APBA1: variants seen among roughly 807,000 people sequenced by gnomAD.
APBA1 encodes amyloid beta precursor protein binding family A member 1.
Under a neutral mutation model 86.6 loss-of-function variants are expected in APBA1, and 55 were observed. That is an observed-to-expected ratio of 0.64 (90% CI 0.51 to 0.80). The LOEUF (loss-of-function observed/expected upper bound fraction) is 0.80. APBA1 is among the 30% of genes least tolerant of loss of function. The probability of loss-of-function intolerance (pLI) is 0.00; values close to 1 mark genes in which losing one functional copy is unlikely to be tolerated. For synonymous variants in APBA1, 511 were observed against 493.9 expected, an observed-to-expected ratio of 1.03 and a Z score of -0.46; for missense variants, 1,090 against 1,183.0, an observed-to-expected ratio of 0.92 and a Z score of 1.15.
intron 1 of APBA1, among the ~76,000 whole-genome samples, chr9:69,559,575 T>G (rs1318590847): frequency 1.3e-5 from 2 of 152,252 alleles, no homozygotes; most frequent in Non-Finnish European, 2.9e-5. Context: ...TCCATGTCAT[T>G]ATCATTCTTA....
At chr9:69,434,067 C>T (rs116032684) in intron 11 of APBA1, among the ~76,000 whole-genome samples, 14 of 152,298 alleles carry the variant, frequency 9.2e-5, no homozygotes, top group Admixed American at 2.0e-4. Flanking sequence ...CTGGCTTCGC[C>T]GGAAGGCCAA....
intron 1 of APBA1, among the ~76,000 whole-genome samples, chr9:69,552,635 C>A (rs558810191): frequency 6.6e-6 from 1 of 152,298 alleles, no homozygotes; most frequent in East Asian, 1.9e-4. Flanking sequence ...AAGACTAGAA[C>A]TTATTGTTAA....
chr9:69,590,998 A>C (rs1376815175), intron 1 of APBA1, among the ~76,000 whole-genome samples: 1 of 152,180 alleles, frequency 6.6e-6, no homozygotes, highest in Non-Finnish European at 1.5e-5. Context: ...ATCCTTTCCC[A>C]CTGTTGCCAT....
rs1005190131 is a variant in APBA1, at chr9:69,641,270, G to A, written c.-70+30883C>T. 3.3e-5 allele frequency among the ~76,000 whole-genome samples: 5 copies of A among 152,104 alleles called. No individual in the cohort carries two copies. In the East Asian group the frequency reaches 9.6e-4, roughly 29 times the overall value. On this transcript the variant is annotated intron_variant, in intron 1 of 12. Transcript: ENST00000265381. ...AAATTAAGGAAGATCTAAAGAAATGGAAAGATATACCATGTTCATGGGTTG... is the reference window on the plus strand; with the variant it reads ...AAATTAAGGAAGATCTAAAGAAATGAAAAGATATACCATGTTCATGGGTTG...
chr9:69,574,493 T>C (rs543822933), intron 1 of APBA1, among the ~76,000 whole-genome samples: 6 of 152,262 alleles, frequency 3.9e-5, no homozygotes, highest in South Asian at 4.1e-4. Context: ...TATATATGCA[T>C]AGCCTGCCCC....
At chr9:69,560,240 T>G (rs1337601520) in intron 1 of APBA1, among the ~76,000 whole-genome samples, 2 of 152,234 alleles carry the variant, frequency 1.3e-5, no homozygotes, top group Non-Finnish European at 2.9e-5. Context: ...TCTTTCTTTC[T>G]TTTGATCTTT....
intron 1 of APBA1, among the ~76,000 whole-genome samples, chr9:69,568,049 G>C (rs138396201): frequency 5.3e-5 from 8 of 152,190 alleles, no homozygotes; most frequent in African/African-American, 1.9e-4. Context: ...AACACAGTAA[G>C]TATGAGAAAT....
At chr9:69,532,262 G>T (rs1385730486) in intron 1 of APBA1, among the ~76,000 whole-genome samples, 4 of 152,142 alleles carry the variant, frequency 2.6e-5, no homozygotes, top group Non-Finnish European at 4.4e-5. Context: ...AACTGTATAT[G>T]TATACATTCC....
chr9:69,635,766 T>C (rs1450807890), intron 1 of APBA1, among the ~76,000 whole-genome samples: 3 of 152,068 alleles, frequency 2.0e-5, no homozygotes, highest in Admixed American at 6.6e-5. Context: ...TATATAATGA[T>C]AAAGGGGTCA....
At chr9:69,548,808 T>C (rs1588356159) in intron 1 of APBA1, among the ~76,000 whole-genome samples, 1 of 152,210 alleles carries the variant, frequency 6.6e-6, no homozygotes, top group East Asian at 1.9e-4. Context: ...GTTGCAATGC[T>C]CCCCTCCTCC....
At chr9:69,552,919 T>TTA (rs1836809131) in intron 1 of APBA1, among the ~76,000 whole-genome samples, 1 of 151,518 alleles carries the variant, frequency 6.6e-6, no homozygotes. Flanking sequence ...TTTTTTTTTT[T>TTA]TTTTGATAGG....
intron 5 of APBA1, among the ~76,000 whole-genome samples, chr9:69,459,446 A>G (rs1434280361): frequency 2.0e-5 from 3 of 152,196 alleles, no homozygotes; most frequent in Non-Finnish European, 4.4e-5. Context: ...GTCAATCTTT[A>G]TCTTACAGCT....
chr9:69,540,658 G>GA (rs1836591245), intron 1 of APBA1, among the ~76,000 whole-genome samples: 3 of 152,178 alleles, frequency 2.0e-5, no homozygotes, highest in South Asian at 4.2e-4. Context: ...GGACTGCACT[G>GA]GTGCTATCAT....
intron 2 of APBA1, among the ~76,000 whole-genome samples, chr9:69,502,075 T>C (rs991388410): frequency 6.6e-6 from 1 of 152,070 alleles, no homozygotes; most frequent in Admixed American, 6.5e-5. Flanking sequence ...ATCAAAAAGT[T>C]GAGAAAGATT....
At chr9:69,620,631 C>T (rs368316495) in intron 1 of APBA1, among the ~76,000 whole-genome samples, 13 of 151,844 alleles carry the variant, frequency 8.6e-5, no homozygotes, top group Admixed American at 1.3e-4. Context: ...GAGCCGAGAT[C>T]GTACCACTGC....
chr9:69,448,952 A>C (rs61642434), intron 10 of APBA1, among the ~76,000 whole-genome samples: 3,840 of 152,214 alleles, frequency 0.025, 169 homozygotes, highest in African/African-American at 0.088. Context: ...TTCACATTTA[A>C]TTTTCCTTTA....
At chr9:69,640,970 G>GAGAA (rs999372616) in intron 1 of APBA1, among the ~76,000 whole-genome samples, 2 of 151,026 alleles carry the variant, frequency 1.3e-5, no homozygotes, top group Middle Eastern at 3.4e-3. Flanking sequence ...GAGAGAGAGA[G>GAGAA]AGAAAGAAAG....
chr9:69,484,789 TG>T (rs141500881), intron 2 of APBA1, among the ~76,000 whole-genome samples: 1,831 of 152,208 alleles, frequency 0.012, 29 homozygotes, highest in Middle Eastern at 0.027. Context: ...ACTCAATAAA[TG>T]TTTACTGAAT....
intron 8 of APBA1, among the ~76,000 whole-genome samples, chr9:69,453,579 A>G (rs1183869266): frequency 1.3e-5 from 2 of 152,262 alleles, no homozygotes; most frequent in Admixed American, 1.3e-4. Context: ...GAATCTGCAT[A>G]TCGATTCTAT....
Sources: allele counts gnomAD v4.1 joint callset (sites outside exome capture counted in the v4.1 genomes callset), GRCh38; gene constraint gnomAD v4.1.1; transcripts MANE v1.5; gene names NCBI Gene and HGNC (gene_info 2026-07-23, HGNC 2026-07-21).